The following AQP9 variants were observed in gnomAD, a reference collection of about 807,000 sequenced individuals.
AQP9 encodes the protein aquaporin-9.
AQP9 carries 19 observed loss-of-function variants against 23.8 expected under a neutral mutation model. The observed-to-expected ratio is 0.80, with a 90% CI of 0.56 to 1.17. The LOEUF is 1.17. Ranked by LOEUF, AQP9 falls within the 50% of genes most tolerant of loss-of-function variation. The pLI is 0.00. For missense variants in AQP9, 413 were observed against 362.0 expected (o/e 1.14, Z -1.14); for synonymous variants, 153 against 131.5 (o/e 1.16, Z -1.12).
chr15:58,156,529 T>C (rs1898262866), intron 1 of AQP9, among the ~76,000 whole-genome samples: 1 of 152,136 alleles, frequency 6.6e-6, no homozygotes, highest in East Asian at 1.9e-4. Context: ...TCATCGAACA[T>C]AGCGCATTTC....
chr15:58,139,840 A>G (rs1485257754), intron 1 of AQP9, among the ~76,000 whole-genome samples: 1 of 152,218 alleles, frequency 6.6e-6, no homozygotes, highest in African/African-American at 2.4e-5. Flanking sequence ...TGCACTCCTC[A>G]TCTTCCCTTG....
chr15:58,180,641 T>A (rs1466256437), intron 5 of AQP9, among the ~76,000 whole-genome samples: 3 of 152,172 alleles, frequency 2.0e-5, no homozygotes, highest in Admixed American at 6.5e-5. Context: ...GACAATCCAA[T>A]AAATTTCCTA....
chr15:58,182,877 G>A (rs1898924055), intron 5 of AQP9, among the ~76,000 whole-genome samples: 1 of 152,160 alleles, frequency 6.6e-6, no homozygotes, highest in Admixed American at 6.5e-5. Flanking sequence ...GGGAATGGGG[G>A]TTTGATTTGC....
Position 58,138,761 on chromosome 15 carries a change from G to C in AQP9, c.111+85G>C, listed in dbSNP as rs148965123. 9.9e-6 allele frequency: 12 copies of C among 1,212,542 alleles called. No homozygotes were observed. The East Asian group carries it at 2.6e-4, about 26-fold the overall frequency. The allele number at this position is 1,212,542 out of a possible 1,614,324, so 75.1% of individuals were successfully genotyped here. A position where few individuals can be genotyped will look rare whatever the true frequency, so the allele number is the denominator to read the frequency against. The stretch of plus-strand genomic sequence containing the variant: ...GGTAGTGGAGAGTTTTGTTTGGTTT[G>C]TTTTATTTAAGTTAATTGGGATCAG... On this transcript the variant is annotated intron_variant, in intron 1 of 5. Coordinates refer to ENST00000219919, the MANE Select transcript of AQP9 (RefSeq NM_020980.5).
intron 1 of AQP9, among the ~76,000 whole-genome samples, chr15:58,159,269 C>T (rs112474443): frequency 5.8e-4 from 89 of 152,180 alleles, no homozygotes; most frequent in African/African-American, 2.0e-3. Flanking sequence ...CATATCCTAC[C>T]CCCAAATTAA....
At chr15:58,173,972 C>T (rs1595743558) in intron 3 of AQP9, among the ~76,000 whole-genome samples, 1 of 152,120 alleles carries the variant, frequency 6.6e-6, no homozygotes, top group East Asian at 1.9e-4. Context: ...AATTTATGAA[C>T]CAGGCCTTAT....
intron 1 of AQP9, among the ~76,000 whole-genome samples, chr15:58,163,160 C>A (rs1366574999): frequency 2.0e-5 from 3 of 152,116 alleles, no homozygotes; most frequent in East Asian, 3.9e-4. Flanking sequence ...TAATGAGGAA[C>A]TTTGAAGACA....
rs778848694 is a variant in AQP9, at chr15:58,166,839, C to T, written c.238+40C>T. 38 of 1,607,082 alleles carry T rather than the reference C, an allele frequency of 2.4e-5. No homozygotes were observed. In the South Asian group the frequency reaches 4.2e-4, roughly 18 times the overall value. On this transcript the variant is annotated intron_variant, in intron 2 of 5. Coordinates refer to ENST00000219919, the MANE Select transcript of AQP9 (RefSeq NM_020980.5). Reference sequence around the variant, plus strand: ...TAATGAATGCTGCTCTTAATTCAGCCACTCCAATGTGCCCGCACAGTGCTG... The same window carrying T: ...TAATGAATGCTGCTCTTAATTCAGCTACTCCAATGTGCCCGCACAGTGCTG...
Position 58,138,996 on chromosome 15 carries a change from A to G in AQP9, c.111+320A>G. ...TTAAAAGTCAGTCGTTAGTGTTTTC[A>G]TTGATCAATTGATTTGTACCCTGCT... On this transcript the variant is annotated intron_variant, in intron 1 of 5. Transcript: ENST00000219919. 1.3e-5 allele frequency among the ~76,000 whole-genome samples: 2 copies of G among 152,230 alleles called. 1 individual carries two copies. Among genetic ancestry groups the G allele is most frequent in the Non-Finnish European group, 2.9e-5 (2 of 68,036 alleles).
intron 1 of AQP9, 95 bp from the exon 2 acceptor site, chr15:58,166,578 A>T: frequency 4.1e-6 from 6 of 1,478,642 alleles, no homozygotes; most frequent in Middle Eastern, 3.6e-4. Flanking sequence ...AACCCAATCC[A>T]TGACTTTGCT....
intron 1 of AQP9, chr15:58,155,302 A>G (rs1898226833): frequency 1.3e-5 from 2 of 152,200 alleles, no homozygotes; most frequent in Admixed American, 1.3e-4. Context: ...AACCTGAAAT[A>G]TTGGTATTAT....
intron 1 of AQP9, chr15:58,153,480 A>G (rs1898189257): frequency 1.3e-5 from 2 of 152,270 alleles, no homozygotes; most frequent in South Asian, 2.1e-4. Context: ...CTAACACAAA[A>G]TGACATCAAA....
chr15:58,154,646 C>T (rs533071417), intron 1 of AQP9, among the ~76,000 whole-genome samples: 84 of 152,108 alleles, frequency 5.5e-4, no homozygotes, highest in African/African-American at 1.9e-3. Context: ...TAATAAAGCC[C>T]CTCAAATGTC....
chr15:58,138,745 G>A (rs182501952), intron 1 of AQP9, 69 bp downstream of exon 1: 1 of 1,385,276 alleles, frequency 7.2e-7, no homozygotes, highest in Non-Finnish European at 1.0e-6. Context: ...TGGTAGTGGA[G>A]AGTTTTGTTT....
At chr15:58,160,766 A>G (rs1370711081) in intron 1 of AQP9, among the ~76,000 whole-genome samples, 3 of 152,196 alleles carry the variant, frequency 2.0e-5, no homozygotes, top group African/African-American at 4.8e-5. Context: ...CAGAAAGCCA[A>G]TGAGGGCTTT....
chr15:58,156,803 T>C (rs1282556028), intron 1 of AQP9, among the ~76,000 whole-genome samples: 3 of 152,192 alleles, frequency 2.0e-5, no homozygotes, highest in African/African-American at 7.2e-5. Context: ...GGTTGGCCAC[T>C]TCCAGATTCC....
chr15:58,138,184 C>T (rs1240072291), upstream of AQP9: 1 of 157,828 alleles, frequency 6.3e-6, no homozygotes, highest in East Asian at 1.9e-4. Flanking sequence ...CTTTTCTGGA[C>T]CAGGGCCCGT....
Position 58,160,728 on chromosome 15 carries a change from G to A in AQP9, c.112-5945G>A, listed in dbSNP as rs547229229. Among the ~76,000 whole-genome samples the A allele has an allele frequency of 4.6e-5, 7 of 152,238 alleles. No individual in the cohort carries two copies. In the South Asian group the frequency reaches 1.5e-3, roughly 32 times the overall value. ...AAGGTTGCAGGTATATAATAAAATG[G>A]CAATGTGCAGACGTGATAGAGTAGG... On this transcript the variant is annotated intron_variant, in intron 1 of 5. Coordinates refer to ENST00000219919, the MANE Select transcript of AQP9 (RefSeq NM_020980.5).
At chr15:58,146,761 A>C (rs1026452978) in intron 1 of AQP9, 9 of 152,192 alleles carry the variant, frequency 5.9e-5, no homozygotes, top group African/African-American at 2.2e-4. Context: ...CCCCAGGTAT[A>C]CCGCCAGCCA....
Sources: allele counts gnomAD v4.1 joint callset (sites outside exome capture counted in the v4.1 genomes callset), GRCh38; gene constraint gnomAD v4.1.1; transcripts MANE v1.5; gene names NCBI Gene and HGNC (gene_info 2026-07-23, HGNC 2026-07-21).